Variants in ATRN observed in about 807,000 individuals in gnomAD.
The protein encoded by ATRN is attractin.
A neutral mutation model predicts 178.7 loss-of-function variants in ATRN; 54 were observed. The ratio of observed to expected loss-of-function variants is 0.30; its 90% CI spans 0.24 to 0.38. ATRN has a LOEUF of 0.38. ATRN is among the 10% of genes least tolerant of loss of function. The pLI is 1.00. For synonymous variants in ATRN, 636 were observed against 663.0 expected (o/e 0.96, Z 0.63); for missense variants, 1,443 against 1,815.1 (o/e 0.79, Z 3.73).
chr20:3,628,926 C>G (rs1486511725), intron 25 of ATRN: 1 of 985,254 alleles, frequency 1.0e-6, no homozygotes, highest in African/African-American at 1.7e-5. Flanking sequence ...TCTTCTCACT[C>G]TGTGTTCTCT....
Position 3,471,357 on chromosome 20 carries a change from G to A in ATRN, c.250G>A (p.Ala84Thr). 7.1e-7 allele frequency: 1 copy of A among 1,403,130 alleles called. No individual in the cohort carries two copies. Among genetic ancestry groups the A allele is most frequent in the Middle Eastern group, 2.2e-4 (1 of 4,518 alleles). 86.9% of individuals were successfully genotyped at this position (1,403,130 alleles called of 1,614,324 possible). ...GCTGCTGCCCTGTGAGGCCGAGGCCGCGGCGGCGGCGGCGGCGGTGTCGGG... is the reference window on the plus strand; with the variant it reads ...GCTGCTGCCCTGTGAGGCCGAGGCCACGGCGGCGGCGGCGGCGGTGTCGGG... ...LLLLPCEAEA[A>T]AAAAAVSGSA... Residue 84 changes from alanine to threonine, a missense_variant, in exon 1 of 29, where the codon GCG becomes ACG. Ala to Thr is a moderately conservative substitution (Grantham distance 58). This residue lies in a region of ATRN where 862 missense variants were observed against 972.1 expected (regional missense o/e 0.89). Transcript: ENST00000262919.
At chr20:3,609,195 T>C (rs988667660) in intron 24 of ATRN, among the ~76,000 whole-genome samples, 3 of 152,174 alleles carry the variant, frequency 2.0e-5, no homozygotes, top group Non-Finnish European at 2.9e-5. Flanking sequence ...CCTCTTCAAT[T>C]TCTTACATCA....
At chr20:3,532,214 T>A (rs1296938706) in intron 1 of ATRN, among the ~76,000 whole-genome samples, 1 of 152,210 alleles carries the variant, frequency 6.6e-6, no homozygotes, top group Non-Finnish European at 1.5e-5. Flanking sequence ...TGAAGTCCAC[T>A]GAAACTCTTA....
chr20:3,471,274 C>T lies in ATRN; in HGVS notation c.167C>T (p.Pro56Leu), dbSNP rs770633802. ...CGCCTCCCGCGGCTGCTGTCTCCAC[C>T]GCTGCGGCCACGGCTGCTGCTGCTG... ...GLRLPRLLSP[P>L]LRPRLLLLLL... The change falls in exon 1 of 29, where the codon CCG becomes CTG. Residue 56 changes from proline (P) to leucine (L), a missense_variant. By Grantham distance (98) the Pro-to-Leu change is moderately conservative. Around this residue, in one of 4 missense-constraint regions of ATRN, gnomAD observed 862 missense variants for 972.1 expected, o/e 0.89. Coordinates refer to ENST00000262919, the MANE Select transcript of ATRN (RefSeq NM_139321.3). 37 of 1,461,950 alleles carry T rather than the reference C, an allele frequency of 2.5e-5. No homozygotes were observed. In the East Asian group the frequency reaches 1.0e-3, roughly 40 times the overall value. The allele number at this position is 1,461,950 out of a possible 1,614,324, so 90.6% of individuals were successfully genotyped here.
At chr20:3,541,279 G>T (rs1212522544) in intron 3 of ATRN, among the ~76,000 whole-genome samples, 1 of 151,650 alleles carries the variant, frequency 6.6e-6, no homozygotes, top group East Asian at 1.9e-4. Context: ...GGGTTTCACC[G>T]TGTTAGCCAG....
At chr20:3,494,956 A>G (rs1204372176) in intron 1 of ATRN, among the ~76,000 whole-genome samples, 1 of 152,202 alleles carries the variant, frequency 6.6e-6, no homozygotes, top group Non-Finnish European at 1.5e-5. Context: ...GAGCCATATT[A>G]TGGTTGTTTT....
chr20:3,563,324 G>A lies in ATRN; in HGVS notation c.1747G>A (p.Ala583Thr), dbSNP rs761699255. 2.5e-6 allele frequency: 4 copies of A among 1,613,988 alleles called. No homozygotes were observed. Among genetic ancestry groups the A allele is most frequent in the Non-Finnish European group, 2.5e-6 (3 of 1,179,940 alleles). ...THNDTSMSHG[A>T]KCFSSDFMAY... Reference sequence around the variant, plus strand: ...CAATGACACATCTATGAGCCATGGCGCCAAATGCTTCTCTTCAGATTTCAT... The same window carrying A: ...CAATGACACATCTATGAGCCATGGCACCAAATGCTTCTCTTCAGATTTCAT... Residue 583 changes from alanine (A) to threonine (T), a missense_variant, in exon 10 of 29, where the codon GCC (alanine) becomes ACC (threonine). Coordinates refer to ENST00000262919, the MANE Select transcript of ATRN (RefSeq NM_139321.3).
intron 23 of ATRN, among the ~76,000 whole-genome samples, chr20:3,602,379 TAAATG>T (rs1600147074): frequency 6.6e-6 from 1 of 152,026 alleles, no homozygotes; most frequent in East Asian, 1.9e-4. Context: ...ATGTGAGAAT[TAAATG>T]AGATAATAAA....
At chr20:3,570,713 A>G (rs1278001224) in intron 11 of ATRN, among the ~76,000 whole-genome samples, 1 of 152,198 alleles carries the variant, frequency 6.6e-6, no homozygotes. Context: ...CCAGTATAAC[A>G]AGATCTGCTA....
At chr20:3,483,242 T>C (rs1229482195) in intron 1 of ATRN, among the ~76,000 whole-genome samples, 2 of 152,208 alleles carry the variant, frequency 1.3e-5, no homozygotes, top group African/African-American at 4.8e-5. Flanking sequence ...TTCTAGTGGA[T>C]TCATAGTTAA....
intron 25 of ATRN, among the ~76,000 whole-genome samples, chr20:3,626,188 C>T (rs2086937475): frequency 1.4e-5 from 2 of 147,880 alleles, no homozygotes; most frequent in South Asian, 4.2e-4. Flanking sequence ...GCGGAGATTG[C>T]ACCACTGCAC....
intron 1 of ATRN, among the ~76,000 whole-genome samples, chr20:3,507,659 C>T (rs1391337367): frequency 6.6e-6 from 1 of 150,846 alleles, no homozygotes; most frequent in African/African-American, 2.4e-5. Flanking sequence ...GCATACTCAG[C>T]ATTTTTGCTA....
intron 15 of ATRN, among the ~76,000 whole-genome samples, chr20:3,580,827 T>C (rs1235145485): frequency 6.6e-6 from 1 of 152,192 alleles, no homozygotes; most frequent in African/African-American, 2.4e-5. Flanking sequence ...GGATTTGAAT[T>C]GTATCGTGAA....
At chr20:3,565,680 C>T (rs745424818) in intron 11 of ATRN, among the ~76,000 whole-genome samples, 38 of 151,614 alleles carry the variant, frequency 2.5e-4, no homozygotes, top group Non-Finnish European at 4.9e-4. Flanking sequence ...GCAGGAGAAT[C>T]GCTTGAACGA....
At chr20:3,511,834 G>A (rs573394552) in intron 1 of ATRN, among the ~76,000 whole-genome samples, 2 of 152,138 alleles carry the variant, frequency 1.3e-5, no homozygotes, top group African/African-American at 4.8e-5. Flanking sequence ...GATATGAAAT[G>A]TGTGGGGCAT....
chr20:3,504,243 T>C (rs2085004784), intron 1 of ATRN, among the ~76,000 whole-genome samples: 1 of 152,056 alleles, frequency 6.6e-6, no homozygotes, highest in Non-Finnish European at 1.5e-5. Flanking sequence ...ACCTAAAGAA[T>C]TTGTTGCTAG....
intron 6 of ATRN, among the ~76,000 whole-genome samples, chr20:3,556,461 T>C (rs1219228544): frequency 6.6e-6 from 1 of 152,146 alleles, no homozygotes; most frequent in Non-Finnish European, 1.5e-5. Flanking sequence ...TTTGCCTTGG[T>C]CTTTAGGTGG....
rs76180734 is a variant in ATRN at position 3,586,055 on chromosome 20, C to A, written c.3184+1175C>A. Among the ~76,000 whole-genome samples the A allele has an allele frequency of 6.9e-3, 1,052 of 152,262 alleles. 15 individuals carry two copies. The highest frequency in any genetic ancestry group is 0.024 in the African/African-American group (992 of 41,538). On this transcript the variant is annotated intron_variant, in intron 18 of 28. Transcript: ENST00000262919. ...CAGCAGTTTTACTCCTAGGTACATACCCAAGAAAATTGAAAACATATGTTA... is the reference window on the plus strand; with the variant it reads ...CAGCAGTTTTACTCCTAGGTACATAACCAAGAAAATTGAAAACATATGTTA...
intron 1 of ATRN, among the ~76,000 whole-genome samples, chr20:3,500,528 C>T (rs565470050): frequency 8.2e-4 from 125 of 151,676 alleles, no homozygotes; most frequent in African/African-American, 2.8e-3. Context: ...GAGTTCATGT[C>T]CTTTGTAGGG....
Sources: allele counts gnomAD v4.1 joint callset (sites outside exome capture counted in the v4.1 genomes callset), GRCh38; gene constraint gnomAD v4.1.1; regional missense constraint gnomAD v4.1.1; transcripts MANE v1.5; gene names NCBI Gene and HGNC (gene_info 2026-07-23, HGNC 2026-07-21).